NCOA1: variants seen among roughly 807,000 people sequenced by gnomAD.
The protein encoded by NCOA1 is Hin-2 protein.
NCOA1 carries 35 observed loss-of-function variants against 150.9 expected under a neutral mutation model. The observed-to-expected ratio is 0.23, with a 90% CI of 0.18 to 0.31. NCOA1 has a LOEUF of 0.31. Among genes scored for constraint, NCOA1 ranks in the 10% least tolerant of loss-of-function variants. The probability of loss-of-function intolerance (pLI) is 1.00; values close to 1 mark genes in which losing one functional copy is unlikely to be tolerated. For synonymous variants in NCOA1, 590 were observed against 630.0 expected, an observed-to-expected ratio of 0.94 and a Z score of 0.95; for missense variants, 1,491 against 1,749.3, an observed-to-expected ratio of 0.85 and a Z score of 2.63.
intron 17 of NCOA1, among the ~76,000 whole-genome samples, chr2:24,732,760 C>T (rs555206051): frequency 1.4e-4 from 21 of 152,078 alleles, no homozygotes; most frequent in Admixed American, 3.9e-4. Context: ...TCTCTTTTTG[C>T]TCTGCAATCC....
Position 24,691,578 on chromosome 2 carries a change from G to C in NCOA1, c.630G>C (p.Glu210Asp). The C allele has an allele frequency of 4.3e-6, 7 of 1,614,188 alleles. No homozygotes were observed. The highest frequency in any genetic ancestry group is 5.9e-6 in the Non-Finnish European group (7 of 1,180,034). The change falls in exon 9 of 23, where the codon GAG becomes GAC. Residue 210 changes from glutamate (E) to aspartate (D), a missense_variant. Glu to Asp is a conservative substitution (Grantham distance 45, BLOSUM62 2). This residue lies in a region of NCOA1 where 99 missense variants were observed against 122.8 expected (regional missense o/e 0.81). Transcript: ENST00000348332. ...LIHPPDEPGT[E>D]NQEACQRYEV... ...ACCCTCCAGATGAGCCAGGGACCGA[G>C]AACCAAGAAGCTTGCCAGCGTTATG...
intron 3 of NCOA1, among the ~76,000 whole-genome samples, chr2:24,612,068 C>T (rs1411270914): frequency 2.0e-5 from 3 of 152,096 alleles, no homozygotes; most frequent in East Asian, 1.9e-4. Flanking sequence ...TTCATTTCCA[C>T]GTTTAGAATT....
chr2:24,596,356 T>A (rs1244814772), intron 3 of NCOA1, among the ~76,000 whole-genome samples: 1 of 152,162 alleles, frequency 6.6e-6, no homozygotes, highest in Admixed American at 6.6e-5. Flanking sequence ...TCTGATTACT[T>A]AACCTGAAGA....
chr2:24,708,050 C>T, intron 13 of NCOA1, among the ~76,000 whole-genome samples, 162 bp downstream of exon 13: 1 of 152,138 alleles, frequency 6.6e-6, no homozygotes, highest in South Asian at 2.1e-4. Flanking sequence ...AGGATGCCCT[C>T]AGAAGTTTTC....
chr2:24,637,976 G>T (rs562719720), intron 3 of NCOA1, among the ~76,000 whole-genome samples: 4 of 152,178 alleles, frequency 2.6e-5, no homozygotes, highest in Non-Finnish European at 5.9e-5. Flanking sequence ...GATTACAGAC[G>T]TGAGCCACTG....
chr2:24,598,224 T>C (rs1223971695), intron 3 of NCOA1, among the ~76,000 whole-genome samples: 2 of 152,162 alleles, frequency 1.3e-5, no homozygotes, highest in Non-Finnish European at 2.9e-5. Context: ...CTTAGTTAAA[T>C]TGACACATAA....
intron 1 of NCOA1, among the ~76,000 whole-genome samples, chr2:24,496,064 G>A (rs151224985): frequency 6.6e-6 from 1 of 152,226 alleles, no homozygotes; most frequent in East Asian, 1.9e-4. Context: ...TTGACTCTGT[G>A]GGCCTGAGTT....
intron 3 of NCOA1, among the ~76,000 whole-genome samples, chr2:24,597,599 AC>A (rs1440416307): frequency 6.6e-6 from 1 of 152,028 alleles, no homozygotes; most frequent in Non-Finnish European, 1.5e-5. Context: ...CAGGCTGGAG[AC>A]CCAGGGAAGA....
rs2148463098 is a variant in NCOA1 at position 24,644,083 on chromosome 2, T to C, written c.-57T>C. On this transcript the variant is annotated 5_prime_UTR_variant, in exon 4 of 23. Transcript: ENST00000348332. ...CTCTGGAACTCAAGATTTGACCATA[T>C]CTGTTTTGAGGATTCATTATGAACA... The C allele has an allele frequency of 6.6e-6, 1 of 152,330 alleles. No homozygotes were observed. Among genetic ancestry groups the C allele is most frequent in the Non-Finnish European group, 1.5e-5 (1 of 68,036 alleles). 9.4% of individuals were successfully genotyped at this position (152,330 alleles called of 1,614,324 possible).
At chr2:24,726,480 A>G in intron 14 of NCOA1, 109 bp from the exon 15 acceptor site, 1 of 602,578 alleles carries the variant, frequency 1.7e-6, no homozygotes, top group Non-Finnish European at 2.9e-6. Context: ...GTATCATTGA[A>G]GTAATATTTT....
chr2:24,716,916 A>G (rs1276578547), intron 14 of NCOA1, among the ~76,000 whole-genome samples: 1 of 152,212 alleles, frequency 6.6e-6, no homozygotes, highest in Non-Finnish European at 1.5e-5. Context: ...CACATATCTG[A>G]TATAAAGGAG....
chr2:24,605,254 G>A (rs549258812), intron 3 of NCOA1, among the ~76,000 whole-genome samples: 5 of 152,188 alleles, frequency 3.3e-5, no homozygotes, highest in Non-Finnish European at 7.3e-5. Context: ...AAATGGCACC[G>A]ACAGACTTGC....
intron 1 of NCOA1, among the ~76,000 whole-genome samples, chr2:24,516,679 G>C (rs1207096603): frequency 6.6e-6 from 1 of 151,372 alleles, no homozygotes; most frequent in Non-Finnish European, 1.5e-5. Flanking sequence ...TCAATTCTCA[G>C]TCTGATACCT....
At chr2:24,718,152 G>T (rs1674152850) in intron 14 of NCOA1, among the ~76,000 whole-genome samples, 1 of 152,028 alleles carries the variant, frequency 6.6e-6, no homozygotes, top group Non-Finnish European at 1.5e-5. Flanking sequence ...CACCCGCCTT[G>T]GCTTCCCAAA....
intron 10 of NCOA1, among the ~76,000 whole-genome samples, chr2:24,695,890 A>G (rs1363716716): frequency 1.3e-5 from 2 of 152,176 alleles, no homozygotes; most frequent in Non-Finnish European, 2.9e-5. Flanking sequence ...GGTGGGGCCA[A>G]CCCTGACATG....
chr2:24,688,122 G>A (rs1471783625), intron 8 of NCOA1, among the ~76,000 whole-genome samples: 1 of 152,078 alleles, frequency 6.6e-6, no homozygotes, highest in African/African-American at 2.4e-5. Context: ...TCCATGGTGT[G>A]TATGTACTAC....
chr2:24,578,251 C>G (rs367991742), intron 2 of NCOA1, among the ~76,000 whole-genome samples: 1 of 152,050 alleles, frequency 6.6e-6, no homozygotes, highest in African/African-American at 2.4e-5. Flanking sequence ...TTGGGATGAT[C>G]AGATGGCAGT....
chr2:24,543,694 G>A (rs1421932323), intron 1 of NCOA1, among the ~76,000 whole-genome samples: 1 of 152,010 alleles, frequency 6.6e-6, no homozygotes. Context: ...CAAGAAGACA[G>A]GAGAGAGAAA....
intron 3 of NCOA1, among the ~76,000 whole-genome samples, chr2:24,598,776 A>C (rs1177633407): frequency 1.3e-5 from 2 of 152,120 alleles, no homozygotes; most frequent in African/African-American, 4.8e-5. Context: ...TAATTTTAAG[A>C]CATTATTTTA....
Sources: allele counts gnomAD v4.1 joint callset (sites outside exome capture counted in the v4.1 genomes callset), GRCh38; gene constraint gnomAD v4.1.1; regional missense constraint gnomAD v4.1.1; transcripts MANE v1.5; gene names NCBI Gene and HGNC (gene_info 2026-07-23, HGNC 2026-07-21).